UROC1: variants seen among roughly 807,000 people sequenced by gnomAD.
UROC1 encodes the protein urocanate hydratase 1.
UROC1 carries 79 observed loss-of-function variants against 89.5 expected under a neutral mutation model. The ratio of observed to expected loss-of-function variants is 0.88; its 90% CI spans 0.74 to 1.06. UROC1 has a LOEUF of 1.06. Among genes scored for constraint, UROC1 ranks in the 50% least tolerant of loss-of-function variants. The pLI is 0.00. For synonymous variants in UROC1, 361 were observed against 354.8 expected (o/e 1.02, Z -0.20); for missense variants, 885 against 907.8 (o/e 0.97, Z 0.32).
At chr3:126,499,198 C>T (rs77374888) in intron 13 of UROC1, 139 bp downstream of exon 13, 20,787 of 902,676 alleles carry the variant, frequency 0.023, 304 homozygotes, top group African/African-American at 0.026. Flanking sequence ...CACTTTGGGG[C>T]AGTGTGGAGG....
intron 4 of UROC1, 81 bp from the exon 5 acceptor site, chr3:126,508,176 GACA>G: frequency 1.9e-6 from 3 of 1,610,198 alleles, no homozygotes; most frequent in Non-Finnish European, 2.5e-6. Context: ...TCCACGCCTG[GACA>G]GCTCCCACAG....
chr3:126,515,379 C>T (rs1356404371), intron 1 of UROC1, among the ~76,000 whole-genome samples: 1 of 151,286 alleles, frequency 6.6e-6, no homozygotes, highest in Non-Finnish European at 1.5e-5. Context: ...CACCACCTAC[C>T]CGCCCCCGTC....
chr3:126,492,830 C>T (rs1168016612), intron 15 of UROC1, among the ~76,000 whole-genome samples: 3 of 152,190 alleles, frequency 2.0e-5, no homozygotes, highest in African/African-American at 7.2e-5. Flanking sequence ...ATCTGTGCTC[C>T]AGGGAGGTTA....
intron 1 of UROC1, among the ~76,000 whole-genome samples, chr3:126,511,330 C>T (rs1379601779): frequency 6.6e-6 from 1 of 152,190 alleles, no homozygotes; most frequent in Non-Finnish European, 1.5e-5. Flanking sequence ...AACAAGACAA[C>T]CTTCCCACGT....
Position 126,481,876 on chromosome 3 carries a change from T to C in UROC1, c.*469A>G, listed in dbSNP as rs1576705674. The C allele has an allele frequency of 5.0e-6, 1 of 200,354 alleles. No individual in the cohort carries two copies. The highest frequency in any genetic ancestry group is 1.9e-3 in the Middle Eastern group (1 of 540). 12.4% of individuals were successfully genotyped at this position (200,354 alleles called of 1,614,324 possible). A position where few individuals can be genotyped will look rare whatever the true frequency, so the allele number is the denominator to read the frequency against. ...ACAGCTCTGTTGACCCTTTATTTCC[T>C]GGTCTATCCTCCTTCCCGAACTCCT... On this transcript the variant is annotated 3_prime_UTR_variant, in exon 20 of 20. Coordinates refer to ENST00000290868, the MANE Select transcript of UROC1 (RefSeq NM_144639.3).
Position 126,488,260 on chromosome 3 carries a change from G to A in UROC1, c.1728C>T (p.Phe576=), listed in dbSNP as rs373524871. The change falls in exon 18 of 20, where the codon TTC becomes TTT. Residue 576 remains phenylalanine, a synonymous_variant. Transcript: ENST00000290868. ...AFCADMAVQN[F]VGDACRGATW... is the part of the protein sequence containing the mutation. Reference sequence around the variant, plus strand: ...TGGCTCCGCGACAGGCATCTCCCACGAAGTTCTGCACAGCCATGTCTGCGG... The same window carrying A: ...TGGCTCCGCGACAGGCATCTCCCACAAAGTTCTGCACAGCCATGTCTGCGG... 3.0e-5 allele frequency: 49 copies of A among 1,614,096 alleles called. No individual in the cohort carries two copies. In the African/African-American group the frequency reaches 4.4e-4, roughly 15 times the overall value.
At position 126,500,921 on chromosome 3, in the gene UROC1, C is replaced by A. The variant is rs532458911; in HGVS notation, c.966-47G>T. ...CAGTGCAAGCCACACACAGCCTGGG[C>A]CCAGAGTCTGGGGCCAGCCAGGTGG... On this transcript the variant is annotated intron_variant, in intron 10 of 19. Coordinates refer to ENST00000290868, the MANE Select transcript of UROC1 (RefSeq NM_144639.3). The A allele has an allele frequency of 2.7e-3, 2,266 of 842,176 alleles. 26 individuals are homozygous for A. Among genetic ancestry groups the A allele is most frequent in the Middle Eastern group, 1.2e-3 (3 of 2,586 alleles). 52.2% of individuals were successfully genotyped at this position (842,176 alleles called of 1,614,324 possible). A position where few individuals can be genotyped will look rare whatever the true frequency, so the allele number is the denominator to read the frequency against.
chr3:126,501,846 CCCCAGGGGTGCAAGGT>C, intron 9 of UROC1: 1 of 1,599,506 alleles, frequency 6.3e-7, no homozygotes. Context: ...ACCTCCCCTC[CCCCAGGGGTGCAAGGT>C]TGACAAAGCA....
intron 16 of UROC1, among the ~76,000 whole-genome samples, chr3:126,491,748 G>A (rs765898159): frequency 2.0e-5 from 3 of 152,244 alleles, no homozygotes; most frequent in African/African-American, 4.8e-5. Context: ...CGGGCTTGGC[G>A]ATTGGCAAAA....
intron 18 of UROC1, among the ~76,000 whole-genome samples, chr3:126,485,456 C>T (rs1017914343): frequency 6.6e-6 from 1 of 152,206 alleles, no homozygotes; most frequent in African/African-American, 2.4e-5. Context: ...GGGCTGTGTG[C>T]ACAGACAGGG....
intron 8 of UROC1, among the ~76,000 whole-genome samples, chr3:126,505,031 G>C (rs146429338): frequency 1.2e-3 from 187 of 152,080 alleles, no homozygotes; most frequent in African/African-American, 4.4e-3. Context: ...TTGTTTAAAA[G>C]GTCCAGCACC....
Position 126,482,368 on chromosome 3 carries a change from G to A in UROC1, c.2008C>T (p.Leu670Phe). 2 of 1,613,502 alleles carry A rather than the reference G, an allele frequency of 1.2e-6. No individual in the cohort carries two copies. The highest frequency in any genetic ancestry group is 1.7e-6 in the Non-Finnish European group (2 of 1,179,904). ...LPHKVEDERV[L>F]QQALQL ...CCTCAGAGCTGCAGGGCCTGCTGGA[G>A]CACCCGCTCGTCCTCCACCTTGTGA... Residue 670 changes from leucine to phenylalanine, a missense_variant, in exon 20 of 20, where the codon CTC becomes TTC. Transcript: ENST00000290868.
At position 126,499,388 on chromosome 3, in the gene UROC1, C is replaced by CCTTT. The variant is rs778315158; in HGVS notation, c.1261_1264dup (p.Gly422GlufsTer58). On this transcript the variant is annotated frameshift_variant, in exon 13 of 20. Coordinates refer to ENST00000290868, the MANE Select transcript of UROC1 (RefSeq NM_144639.3). LOFTEE classifies it high-confidence loss of function. ...GTAGCGGAACTCTGTCCTGCCAGCA[C>CCTTT]CTTTCTTCTCCACATCCGCTCCTGT... is the stretch of plus-strand genomic sequence containing the variant. 1 of 1,612,964 alleles carries CCTTT rather than the reference C, an allele frequency of 6.2e-7. No homozygotes were observed. Among genetic ancestry groups the CCTTT allele is most frequent in the South Asian group, 1.1e-5 (1 of 90,898 alleles).
intron 9 of UROC1, among the ~76,000 whole-genome samples, chr3:126,502,789 G>A (rs1243111988): frequency 6.6e-6 from 1 of 151,784 alleles, no homozygotes; most frequent in Non-Finnish European, 1.5e-5. Flanking sequence ...ATGTGTGCAT[G>A]TGTGTGCTGT....
At chr3:126,517,126 C>T (rs900664904) in intron 1 of UROC1, among the ~76,000 whole-genome samples, 5 of 152,212 alleles carry the variant, frequency 3.3e-5, no homozygotes, top group South Asian at 2.1e-4. Flanking sequence ...ATACTGGCCT[C>T]AGCCCATCTT....
At position 126,499,367 on chromosome 3, in the gene UROC1, C is replaced by T. The variant is rs201724997; in HGVS notation, c.1286G>A (p.Arg429His). ...EKKGAGRTEF[R>H]YPSYVQHIMG... ...GATGTGCTGCACATAGGAAGGGTAGCGGAACTCTGTCCTGCCAGCACCTTT... is the reference window on the plus strand; with the variant it reads ...GATGTGCTGCACATAGGAAGGGTAGTGGAACTCTGTCCTGCCAGCACCTTT... The change falls in exon 13 of 20, where the codon CGC becomes CAC. Residue 429 changes from arginine (R) to histidine (H), a missense_variant. Transcript: ENST00000290868. 183 of 1,612,282 alleles carry T rather than the reference C, an allele frequency of 1.1e-4. No homozygotes were observed. Among genetic ancestry groups the T allele is most frequent in the Non-Finnish European group, 1.4e-4 (170 of 1,179,700 alleles).
At chr3:126,509,183 C>T (rs925682362) in intron 3 of UROC1, among the ~76,000 whole-genome samples, 9 of 150,232 alleles carry the variant, frequency 6.0e-5, no homozygotes, top group Non-Finnish European at 1.2e-4. Context: ...TTGCAGTGAG[C>T]CAAGATCAAG....
chr3:126,507,742 A>G lies in UROC1; in HGVS notation c.602T>C (p.Met201Thr), dbSNP rs777626973. Residue 201 changes from methionine (M) to threonine (T), a missense_variant and splice_region_variant, in exon 6 of 20, where the codon ATG becomes ACG. Physicochemically the swap from Met to Thr is moderately conservative, Grantham distance 81. Coordinates refer to ENST00000290868, the MANE Select transcript of UROC1 (RefSeq NM_144639.3). The stretch of plus-strand genomic sequence containing the variant: ...TAAACAGACTGAAATAGTGACTTAC[A>G]TTGTAACCCCCAAGGCAAAGAGCTT... ...YEKLFALGVTMYGQMTAGSYC... is the reference protein window; with the variant it reads ...YEKLFALGVTTYGQMTAGSYC... 25 of 1,614,052 alleles carry G rather than the reference A, an allele frequency of 1.5e-5. No individual in the cohort carries two copies. The highest frequency in any genetic ancestry group is 2.2e-5 in the East Asian group (1 of 44,892).
chr3:126,505,662 A>G, intron 8 of UROC1, 39 bp downstream of exon 8: 1 of 1,607,150 alleles, frequency 6.2e-7, no homozygotes, highest in Non-Finnish European at 8.5e-7. Context: ...GGAGGGAGGG[A>G]GGCAGGCAGG....
Sources: gnomAD v4.1 joint callset for allele counts (sites outside exome capture counted in the v4.1 genomes callset) on GRCh38, gnomAD v4.1.1 for gene constraint, MANE v1.5 for transcripts, NCBI Gene and HGNC (gene_info 2026-07-23, HGNC 2026-07-21) for gene names.